HPSE2: variants seen among roughly 807,000 people sequenced by gnomAD.
The protein encoded by HPSE2 is inactive heparanase-2.
Under a neutral mutation model 60.5 loss-of-function variants are expected in HPSE2, and 38 were observed. The ratio of observed to expected loss-of-function variants is 0.63; its 90% confidence interval spans 0.48 to 0.82. The LOEUF is 0.82. Ranked by LOEUF, HPSE2 falls within the 40% of genes least tolerant of loss-of-function variation. The pLI is 0.00. For missense variants in HPSE2, 713 were observed against 740.4 expected (o/e 0.96, Z 0.43); for synonymous variants, 295 against 293.2 (o/e 1.01, Z -0.06).
intron 3 of HPSE2, among the ~76,000 whole-genome samples, chr10:98,824,772 G>C (rs1238934132): frequency 6.6e-6 from 1 of 152,150 alleles, no homozygotes; most frequent in Non-Finnish European, 1.5e-5. Context: ...TTGTTTTCAA[G>C]AAAACCCCTC....
intron 3 of HPSE2, among the ~76,000 whole-genome samples, chr10:99,041,044 G>A (rs11189949): frequency 0.51 from 76,422 of 150,764 alleles, 21,700 homozygotes; most frequent in East Asian, 0.63. Flanking sequence ...TAGAGATCGC[G>A]CCACTTCACT....
the HPSE2 span, among the ~76,000 whole-genome samples, chr10:99,303,363 A>T: frequency 6.6e-6 from 1 of 152,014 alleles, no homozygotes; most frequent in Non-Finnish European, 1.5e-5. Context: ...TAAGAGACAC[A>T]TAGAATGAGC....
chr10:98,564,824 T>C (rs537851), intron 9 of HPSE2, among the ~76,000 whole-genome samples: 129,246 of 152,088 alleles, frequency 0.85, 56,180 homozygotes, highest in East Asian at 1. Flanking sequence ...GCTTTCTCAA[T>C]AACCTGTCTT....
chr10:98,497,531 C>A (rs1941885880), intron 9 of HPSE2, among the ~76,000 whole-genome samples: 1 of 152,040 alleles, frequency 6.6e-6, no homozygotes, highest in South Asian at 2.1e-4. Context: ...ATTTTAATAT[C>A]TACAGATTCA....
At chr10:98,710,231 C>CTCTCTCTT (rs530744176) in intron 5 of HPSE2, among the ~76,000 whole-genome samples, 8 of 152,134 alleles carry the variant, frequency 5.3e-5, no homozygotes, top group Non-Finnish European at 1.0e-4. Flanking sequence ...ATTGACCTCT[C>CTCTCTCTT]TCTCTCTTTC....
rs756435950 is a variant in HPSE2, at chr10:99,235,638, C to G, written c.165G>C (p.Leu55Phe). 6.2e-7 allele frequency: 1 copy of G among 1,614,064 alleles called. No individual in the cohort carries two copies. The highest frequency in any genetic ancestry group is 1.1e-5 in the South Asian group (1 of 91,070). ...CAAGTAGAATCAGGGTCTTTTCCTT[C>G]AAACCTGCAGCTCTGTCTACAGGCA... Reference protein sequence around the residue: ...RPLPVDRAAGLKEKTLILLDV... With the variant: ...RPLPVDRAAGFKEKTLILLDV... The change falls in exon 1 of 12, where the codon TTG becomes TTC. Residue 55 changes from leucine to phenylalanine, a missense_variant. Transcript: ENST00000370552.
At chr10:98,523,478 A>C (rs1942865402) in intron 9 of HPSE2, among the ~76,000 whole-genome samples, 1 of 152,240 alleles carries the variant, frequency 6.6e-6, no homozygotes, top group African/African-American at 2.4e-5. Flanking sequence ...CAAAATTCAA[A>C]GGAAAGTCCA....
upstream of HPSE2, among the ~76,000 whole-genome samples, chr10:99,239,180 TA>T (rs1849908753): frequency 6.6e-6 from 1 of 151,630 alleles, no homozygotes; most frequent in Non-Finnish European, 1.5e-5. Flanking sequence ...AAAGTAAAAT[TA>T]AAATTAAAAA....
the HPSE2 span, among the ~76,000 whole-genome samples, chr10:99,257,514 C>A: frequency 3.3e-4 from 50 of 152,254 alleles, no homozygotes; most frequent in African/African-American, 1.1e-3. Flanking sequence ...GGTAGCACTC[C>A]CAGGCTTATT....
intron 9 of HPSE2, among the ~76,000 whole-genome samples, chr10:98,538,494 T>C (rs1156411830): frequency 1.3e-5 from 2 of 152,128 alleles, no homozygotes; most frequent in Admixed American, 6.5e-5. Context: ...CAGTTATTTA[T>C]TCCCTATGTC....
chr10:98,867,910 A>C (rs1952631167), intron 3 of HPSE2, among the ~76,000 whole-genome samples: 1 of 151,886 alleles, frequency 6.6e-6, no homozygotes. Flanking sequence ...AAATACAAAA[A>C]AATTAGCCAG....
chr10:98,865,412 A>G (rs1420501842), intron 3 of HPSE2, among the ~76,000 whole-genome samples: 2 of 152,140 alleles, frequency 1.3e-5, no homozygotes, highest in African/African-American at 2.4e-5. Context: ...ACAACAAAGG[A>G]CAGTGAACTC....
chr10:98,857,438 C>G (rs1178857082), intron 3 of HPSE2, among the ~76,000 whole-genome samples: 1 of 152,164 alleles, frequency 6.6e-6, no homozygotes, highest in Non-Finnish European at 1.5e-5. Context: ...GTATGATCTT[C>G]TAGAGCTGGA....
intron 3 of HPSE2, among the ~76,000 whole-genome samples, chr10:98,950,365 T>C (rs1226947217): frequency 6.6e-6 from 1 of 152,146 alleles, no homozygotes; most frequent in Non-Finnish European, 1.5e-5. Context: ...GTGGCAGTCA[T>C]ATTACAACCT....
At chr10:99,298,594 G>C in the HPSE2 span, among the ~76,000 whole-genome samples, 1 of 152,070 alleles carries the variant, frequency 6.6e-6, no homozygotes, top group African/African-American at 2.4e-5. Context: ...ATGGTTCTTT[G>C]TCATAATGAT....
At chr10:99,301,078 G>A in the HPSE2 span, among the ~76,000 whole-genome samples, 1 of 152,154 alleles carries the variant, frequency 6.6e-6, no homozygotes, top group Admixed American at 6.5e-5. Flanking sequence ...CCCTGAAGAT[G>A]CTTATTGGTT....
At chr10:99,112,330 C>T (rs1466688659) in intron 3 of HPSE2, among the ~76,000 whole-genome samples, 1 of 152,210 alleles carries the variant, frequency 6.6e-6, no homozygotes. Flanking sequence ...AGCTCCACCT[C>T]CTGGGTTCAC....
chr10:99,302,102 G>T, the HPSE2 span, among the ~76,000 whole-genome samples: 1 of 151,798 alleles, frequency 6.6e-6, no homozygotes, highest in Non-Finnish European at 1.5e-5. Flanking sequence ...GAGTAAAAAG[G>T]GTGGGTTATG....
chr10:99,045,913 G>A (rs546696808), intron 3 of HPSE2, among the ~76,000 whole-genome samples: 1 of 152,260 alleles, frequency 6.6e-6, no homozygotes, highest in African/African-American at 2.4e-5. Context: ...GATGTACAAA[G>A]AAGAACTGGT....
Sources: gnomAD v4.1 joint callset for allele counts (sites outside exome capture counted in the v4.1 genomes callset) on GRCh38, gnomAD v4.1.1 for gene constraint, MANE v1.5 for transcripts, NCBI Gene and HGNC (gene_info 2026-07-23, HGNC 2026-07-21) for gene names.